HMGA2: variants seen among roughly 807,000 people sequenced by gnomAD.
The protein encoded by HMGA2 is high mobility group protein HMGI-C.
In HMGA2, 8 loss-of-function variants were observed where a neutral mutation model predicts 19.1. The ratio of observed to expected loss-of-function variants is 0.42; its 90% CI spans 0.25 to 0.76. The LOEUF (loss-of-function observed/expected upper bound fraction) is 0.76, where lower values mean the gene tolerates loss of function less well. Ranked by LOEUF, HMGA2 falls within the 30% of genes least tolerant of loss-of-function variation. The probability of loss-of-function intolerance (pLI) is 0.28; values close to 1 mark genes in which losing one functional copy is unlikely to be tolerated. For missense variants in HMGA2, 109 were observed against 136.3 expected (o/e 0.80, Z 1.00); for synonymous variants, 60 against 48.8 (o/e 1.23, Z -0.96).
intron 3 of HMGA2, among the ~76,000 whole-genome samples, chr12:65,897,695 C>T (rs1463083013): frequency 1.3e-5 from 2 of 152,218 alleles, no homozygotes; most frequent in African/African-American, 2.4e-5. Flanking sequence ...CGTGGTGGCT[C>T]ACGCCTGTAA....
chr12:65,839,154 T>C (rs1453044821), intron 3 of HMGA2, among the ~76,000 whole-genome samples: 1 of 152,024 alleles, frequency 6.6e-6, no homozygotes, highest in Non-Finnish European at 1.5e-5. Flanking sequence ...ATGCAAACAT[T>C]AGAGATAGCT....
intron 3 of HMGA2, among the ~76,000 whole-genome samples, chr12:65,948,907 G>C (rs1248716993): frequency 3.3e-5 from 5 of 152,126 alleles, no homozygotes; most frequent in Non-Finnish European, 7.4e-5. Flanking sequence ...GGGAGCCTCT[G>C]CCAAAAAAGG....
chr12:65,925,670 A>G (rs1875479321), intron 3 of HMGA2, among the ~76,000 whole-genome samples: 1 of 152,244 alleles, frequency 6.6e-6, no homozygotes, highest in East Asian at 1.9e-4. Flanking sequence ...GAGTTGGAGT[A>G]AAAAATGAAA....
chr12:65,850,979 A>G (rs907551843), intron 3 of HMGA2, among the ~76,000 whole-genome samples: 9 of 152,138 alleles, frequency 5.9e-5, no homozygotes, highest in Admixed American at 4.6e-4. Context: ...TCTTGTTCTT[A>G]ATGGTGACAG....
rs60786450 is a variant in HMGA2 at position 65,824,713 on chromosome 12, T to TTCTCTCTCTCTCTCTCTCTC, written c.-521_-502dup. The TTCTCTCTCTCTCTCTCTCTC allele has an allele frequency of 3.4e-5, 5 of 145,046 alleles. No individual in the cohort carries two copies. The highest frequency in any genetic ancestry group is 1.9e-3 in the Middle Eastern group (1 of 534). The allele number at this position is 145,046 out of a possible 1,614,324, so 9.0% of individuals were successfully genotyped here. ...CCAAGGCACTTTCAATCTCAATCTC[T>TTCTCTCTCTCTCTCTCTCTC]TCTCTCTCTCTCTCTCTCTCTCTCT... is the stretch of plus-strand genomic sequence containing the variant. On this transcript the variant is annotated 5_prime_UTR_variant, in exon 1 of 5. Coordinates refer to ENST00000403681, the MANE Select transcript of HMGA2 (RefSeq NM_003483.6).
chr12:65,870,647 T>C (rs1872665124), intron 3 of HMGA2, among the ~76,000 whole-genome samples: 2 of 152,206 alleles, frequency 1.3e-5, no homozygotes, highest in Admixed American at 1.3e-4. Context: ...GAGAATCACT[T>C]GAACCCACGA....
At position 65,963,162 on chromosome 12, in the gene HMGA2, C is replaced by T. The variant is rs1218396516; in HGVS notation, c.283-83C>T. 8.6e-6 allele frequency: 11 copies of T among 1,284,430 alleles called. 1 individual carries two copies. In the Admixed American group the frequency reaches 1.7e-4, roughly 20 times the overall value. The allele number at this position is 1,284,430 out of a possible 1,614,324, so 79.6% of individuals were successfully genotyped here. A position where few individuals can be genotyped will look rare whatever the true frequency, so the allele number is the denominator to read the frequency against. On this transcript the variant is annotated intron_variant, in intron 4 of 4. Transcript: ENST00000403681. Reference sequence around the variant, plus strand: ...AGGCAAGCATAATGTGCTGTGGAAACAGGTTACCTCTGCACTGTTGGCAAG... The same window carrying T: ...AGGCAAGCATAATGTGCTGTGGAAATAGGTTACCTCTGCACTGTTGGCAAG...
chr12:65,881,499 T>C, intron 3 of HMGA2: 1 of 567,492 alleles, frequency 1.8e-6, no homozygotes, highest in Middle Eastern at 4.6e-4. Flanking sequence ...TGCTTAATAG[T>C]AGCAGAACAA....
intron 2 of HMGA2, among the ~76,000 whole-genome samples, 157 bp from the exon 3 acceptor site, chr12:65,838,362 C>CA (rs1870824056): frequency 6.7e-6 from 1 of 149,718 alleles, no homozygotes. Flanking sequence ...AAAAGATTAA[C>CA]CTTAGAGGAG....
chr12:65,909,920 G>A lies in HMGA2; in HGVS notation c.250-41463G>A, dbSNP rs570168969. On this transcript the variant is annotated intron_variant, in intron 3 of 4. Transcript: ENST00000403681. ...ACCCTCGGTGACCTATTTGGCTCAC[G>A]TAGTCCTCTCTTAGGAGATGGCTGC... 5.9e-5 allele frequency among the ~76,000 whole-genome samples: 9 copies of A among 152,322 alleles called. No individual in the cohort carries two copies. The East Asian group carries it at 1.5e-3, about 26-fold the overall frequency.
intron 2 of HMGA2, among the ~76,000 whole-genome samples, chr12:65,834,357 T>C (rs1212453428): frequency 1.3e-5 from 2 of 152,196 alleles, no homozygotes; most frequent in African/African-American, 2.4e-5. Flanking sequence ...CATGGGGCTA[T>C]GTCTTTGGGA....
intron 3 of HMGA2, chr12:65,882,286 C>T (rs2121104051): frequency 8.2e-6 from 2 of 242,718 alleles, no homozygotes; most frequent in African/African-American, 2.2e-5. Flanking sequence ...AAAGAGGAAG[C>T]CTCGGCTGTG....
chr12:65,892,042 G>A (rs531112338), intron 3 of HMGA2, among the ~76,000 whole-genome samples: 5 of 152,244 alleles, frequency 3.3e-5, no homozygotes, highest in South Asian at 2.1e-4. Flanking sequence ...TTGTCTTCTC[G>A]CTGGTGAATC....
intron 4 of HMGA2, among the ~76,000 whole-genome samples, chr12:65,961,371 C>T (rs1405690392): frequency 3.3e-5 from 5 of 152,218 alleles, no homozygotes; most frequent in African/African-American, 1.2e-4. Context: ...GATCATGCTA[C>T]ATCCTCCTTT....
chr12:65,920,052 C>T (rs2121238521), intron 3 of HMGA2, among the ~76,000 whole-genome samples: 1 of 152,300 alleles, frequency 6.6e-6, no homozygotes, highest in South Asian at 2.1e-4. Flanking sequence ...CAATACATAG[C>T]TGGTAGTCCC....
chr12:65,927,380 G>A (rs1424637743), intron 3 of HMGA2, among the ~76,000 whole-genome samples: 1 of 152,150 alleles, frequency 6.6e-6, no homozygotes, highest in African/African-American at 2.4e-5. Context: ...AAGGCTACGT[G>A]TGCCTTTTGA....
In HMGA2 at chr12:65,846,005, G is replaced by T. The variant is rs992516319; in HGVS notation, c.249+7436G>T. Among the ~76,000 whole-genome samples the T allele has an allele frequency of 3.9e-5, 6 of 152,276 alleles. 2 individuals are homozygous for T. Among genetic ancestry groups the T allele is most frequent in the Admixed American group, 3.9e-4 (6 of 15,296 alleles). On this transcript the variant is annotated intron_variant, in intron 3 of 4. Coordinates refer to ENST00000403681, the MANE Select transcript of HMGA2 (RefSeq NM_003483.6). The stretch of plus-strand genomic sequence containing the variant: ...AGCGCCTCCACCAGATGGGGGGCAG[G>T]GTCAGGAACAGGGGGTCAGCTCTGG...
chr12:65,867,430 C>T (rs1872485381), intron 3 of HMGA2: 2 of 449,790 alleles, frequency 4.4e-6, no homozygotes, highest in African/African-American at 2.0e-5. Context: ...GTCATCTGAG[C>T]AGGAGGAGTT....
intron 3 of HMGA2, among the ~76,000 whole-genome samples, chr12:65,902,207 T>G (rs1874400941): frequency 6.6e-6 from 1 of 152,172 alleles, no homozygotes; most frequent in African/African-American, 2.4e-5. Flanking sequence ...AGAGCCATTT[T>G]CAGTTTCTTA....
Sources: allele counts gnomAD v4.1 joint callset (sites outside exome capture counted in the v4.1 genomes callset), GRCh38; gene constraint gnomAD v4.1.1; transcripts MANE v1.5; gene names NCBI Gene and HGNC (gene_info 2026-07-23, HGNC 2026-07-21).